CFH: variants seen among roughly 807,000 people sequenced by gnomAD.
CFH encodes the protein H factor 1 (complement).
Under a neutral mutation model 147.3 loss-of-function variants are expected in CFH, and 53 were observed. The ratio of observed to expected loss-of-function variants is 0.36; its 90% CI spans 0.29 to 0.45. CFH has a LOEUF of 0.45. Ranked by LOEUF, CFH falls within the 20% of genes least tolerant of loss-of-function variation. The pLI is 1.00. For synonymous variants in CFH, 536 were observed against 489.4 expected, an observed-to-expected ratio of 1.10 and a Z score of -1.26; for missense variants, 1,380 against 1,498.0, an observed-to-expected ratio of 0.92 and a Z score of 1.30.
Position 196,690,139 on chromosome 1 carries a change from A to G in CFH, c.1236A>G (p.Ile412Met), listed in dbSNP as rs1667974323. 1 of 1,613,122 alleles carries G rather than the reference A, an allele frequency of 6.2e-7. No individual in the cohort carries two copies. Residue 412 changes from isoleucine to methionine, a missense_variant, in exon 9 of 22, where the codon ATA becomes ATG. By Grantham distance (10) the Ile-to-Met change is conservative. Coordinates refer to ENST00000367429, the MANE Select transcript of CFH (RefSeq NM_000186.4). Reference sequence around the variant, plus strand: ...GAAAGTTTGTACAGGGTAAATCTATAGACGTTGCCTGCCATCCTGGCTACG... The same window carrying G: ...GAAAGTTTGTACAGGGTAAATCTATGGACGTTGCCTGCCATCCTGGCTACG... The part of the protein sequence containing the change: ...HGRKFVQGKS[I>M]DVACHPGYAL...
chr1:196,684,668 C>T (rs770037947), intron 6 of CFH, among the ~76,000 whole-genome samples: 12 of 152,004 alleles, frequency 7.9e-5, no homozygotes, highest in East Asian at 7.8e-4. Context: ...GGAAGGGTTG[C>T]GCAGTCCTAT....
intron 4 of CFH, among the ~76,000 whole-genome samples, chr1:196,676,505 C>T (rs1455155861): frequency 6.6e-6 from 1 of 152,048 alleles, no homozygotes; most frequent in African/African-American, 2.4e-5. Context: ...GTGGACTTAC[C>T]TTTACTGAAA....
At chr1:196,711,963 T>G (rs1311257053) in intron 9 of CFH, among the ~76,000 whole-genome samples, 2 of 152,158 alleles carry the variant, frequency 1.3e-5, no homozygotes, top group African/African-American at 4.8e-5. Context: ...CTCTGTTTCC[T>G]GCAGATTCTA....
chr1:196,743,630 T>G lies in CFH; in HGVS notation c.3310+2T>G. The stretch of plus-strand genomic sequence containing the variant: ...GGACGGAACCACCTCAATGCAAAGG[T>G]AGAGTATTATATTTCTTTTAACATT... On this transcript the variant is annotated splice_donor_variant, in intron 20 of 21. Coordinates refer to ENST00000367429, the MANE Select transcript of CFH (RefSeq NM_000186.4). LOFTEE classifies it high-confidence loss of function. 1 of 1,613,874 alleles carries G rather than the reference T, an allele frequency of 6.2e-7. No homozygotes were observed. Among genetic ancestry groups the G allele is most frequent in the Non-Finnish European group, 8.5e-7 (1 of 1,179,796 alleles).
intron 1 of CFH, among the ~76,000 whole-genome samples, chr1:196,658,749 T>C (rs527920537): frequency 2.0e-5 from 3 of 152,032 alleles, no homozygotes; most frequent in Non-Finnish European, 2.9e-5. Flanking sequence ...TTAAAATTTT[T>C]TGTAGAGACA....
At chr1:196,668,307 T>C (rs1667164891) in intron 1 of CFH, among the ~76,000 whole-genome samples, 1 of 152,212 alleles carries the variant, frequency 6.6e-6, no homozygotes, top group Non-Finnish European at 1.5e-5. Context: ...TTTGCTTTCA[T>C]TTTTGAAGTA....
intron 11 of CFH, among the ~76,000 whole-genome samples, chr1:196,719,990 C>A (rs923640560): frequency 6.6e-6 from 1 of 151,424 alleles, no homozygotes. Flanking sequence ...TTACATTAAA[C>A]AAAAATACCA....
At position 196,728,336 on chromosome 1, in the gene CFH, TA is replaced by T; in HGVS notation, c.2237-9del. The T allele has an allele frequency of 7.2e-7, 1 of 1,383,716 alleles. No individual in the cohort carries two copies. The allele number at this position is 1,383,716 out of a possible 1,614,324, so 85.7% of individuals were successfully genotyped here. A position where few individuals can be genotyped will look rare whatever the true frequency, so the allele number is the denominator to read the frequency against. On this transcript the variant is annotated splice_polypyrimidine_tract_variant and intron_variant, in intron 14 of 21. Transcript: ENST00000367429. ...ATTTGAATTTTCATAAAAATATATT[TA>T]TTTTATAGCAATAGATAAACTTAAG...
chr1:196,665,530 G>A (rs1442607771), intron 1 of CFH, among the ~76,000 whole-genome samples: 1 of 151,862 alleles, frequency 6.6e-6, no homozygotes, highest in Non-Finnish European at 1.5e-5. Context: ...TGGCATTTGT[G>A]TGCATGTGTC....
At chr1:196,716,779 T>C (rs10754200) in intron 11 of CFH, among the ~76,000 whole-genome samples, 29,704 of 152,066 alleles carry the variant, frequency 0.2, 3,529 homozygotes, top group East Asian at 0.39. Context: ...CAATAACCAT[T>C]TTGTAAAATG....
At chr1:196,715,927 A>G (rs1668859862) in intron 11 of CFH, among the ~76,000 whole-genome samples, 158 bp downstream of exon 11, 1 of 152,144 alleles carries the variant, frequency 6.6e-6, no homozygotes. Context: ...GGGAGTTTTG[A>G]AAATATCTCT....
chr1:196,701,363 TGAGTG>T (rs771415219), intron 9 of CFH: 1 of 1,613,504 alleles, frequency 6.2e-7, no homozygotes, highest in African/African-American at 1.3e-5. Flanking sequence ...CTCTCCAGCT[TGAGTG>T]GATCAAAGAT....
At position 196,689,248 on chromosome 1, in the gene CFH, G is replaced by T. The variant is rs56199504; in HGVS notation, c.965-172G>T. Among the ~76,000 whole-genome samples the T allele has an allele frequency of 0.017, 2,533 of 152,164 alleles. 48 individuals are homozygous for T. The highest frequency in any genetic ancestry group is 0.085 in the Middle Eastern group (25 of 294). ...CATCTTCATTAACAAAGACCTTCTT[G>T]TTACATATCTCAGTCATCTGAGTTC... On this transcript the variant is annotated intron_variant, in intron 7 of 21. Transcript: ENST00000367429.
chr1:196,715,744 T>C lies in CFH; in HGVS notation c.1671T>C (p.Gly557=). The C allele has an allele frequency of 6.2e-7, 1 of 1,612,648 alleles. No individual in the cohort carries two copies. The highest frequency in any genetic ancestry group is 1.3e-5 in the African/African-American group (1 of 74,968). ...TTGSIVCGYN[G]WSDLPICYER... ...GTTCCATAGTGTGTGGTTACAATGG[T>C]TGGTCTGATTTACCCATATGTTATG... The change falls in exon 11 of 22, where the codon GGT becomes GGC. Residue 557 remains glycine (G), a synonymous_variant. Coordinates refer to ENST00000367429, the MANE Select transcript of CFH (RefSeq NM_000186.4).
intron 9 of CFH, among the ~76,000 whole-genome samples, chr1:196,705,039 C>A (rs1668552376): frequency 6.6e-6 from 1 of 152,180 alleles, no homozygotes; most frequent in African/African-American, 2.4e-5. Flanking sequence ...GGATGATGCT[C>A]CATCAAGGCT....
In CFH at chr1:196,726,538, G is replaced by A; in HGVS notation, c.1942G>A (p.Glu648Lys). 1.2e-6 allele frequency: 2 copies of A among 1,613,068 alleles called. No individual in the cohort carries two copies. The highest frequency in any genetic ancestry group is 8.5e-7 in the Non-Finnish European group (1 of 1,179,218). The change falls in exon 13 of 22, where the codon GAA becomes AAA. Residue 648 changes from glutamate to lysine, a missense_variant. Physicochemically the swap from Glu to Lys is moderately conservative, Grantham distance 56 (BLOSUM62 1). This residue lies in a region of CFH where 830 missense variants were observed against 821.4 expected (regional missense o/e 1.01). Transcript: ENST00000367429. ...NGNVKEKTKE[E>K]YGHSEVVEYY... ...GAATGTTAAGGAAAAAACGAAAGAA[G>A]AATATGGACACAGTGAAGTGGTGGA...
At chr1:196,722,356 A>G (rs933513703) in intron 11 of CFH, among the ~76,000 whole-genome samples, 1 of 152,084 alleles carries the variant, frequency 6.6e-6, no homozygotes, top group Non-Finnish European at 1.5e-5. Context: ...TATCTCTAAT[A>G]TATGTTTTTT....
At chr1:196,682,502 T>C (rs1667690579) in intron 6 of CFH, among the ~76,000 whole-genome samples, 1 of 151,570 alleles carries the variant, frequency 6.6e-6, no homozygotes, top group African/African-American at 2.4e-5. Flanking sequence ...AATTGTTCCA[T>C]ATTATTTTAT....
chr1:196,745,209 G>T (rs1242198687), intron 20 of CFH, among the ~76,000 whole-genome samples: 1 of 151,874 alleles, frequency 6.6e-6, no homozygotes, highest in Non-Finnish European at 1.5e-5. Context: ...TATACCTTAT[G>T]GTCAAAATGG....
Sources: gnomAD v4.1 joint callset for allele counts (sites outside exome capture counted in the v4.1 genomes callset) on GRCh38, gnomAD v4.1.1 for gene constraint, gnomAD v4.1.1 regional missense constraint, MANE v1.5 for transcripts, NCBI Gene and HGNC (gene_info 2026-07-23, HGNC 2026-07-21) for gene names.